The following SESN1 variants were observed in gnomAD, a reference collection of about 807,000 sequenced individuals.
SESN1 encodes sestrin 1, also known as sestrin-1.
Under a neutral mutation model 59.3 loss-of-function variants are expected in SESN1, and 30 were observed. That is an observed-to-expected ratio of 0.51 (90% CI 0.38 to 0.69). SESN1 has a LOEUF of 0.69. Ranked by LOEUF, SESN1 falls within the 30% of genes least tolerant of loss-of-function variation. SESN1 has a pLI of 0.00. For synonymous variants in SESN1, 197 were observed against 219.9 expected (o/e 0.90, Z 0.92); for missense variants, 566 against 673.0 (o/e 0.84, Z 1.76).
At chr6:109,008,714 A>G in intron 1 of SESN1, 1 of 927,412 alleles carries the variant, frequency 1.1e-6, no homozygotes, top group Non-Finnish European at 1.3e-6. Flanking sequence ...ATTTGCAACC[A>G]CTTAGAAAAA....
At chr6:109,003,154 ATAAT>A in intron 1 of SESN1, among the ~76,000 whole-genome samples, 1 of 152,120 alleles carries the variant, frequency 6.6e-6, no homozygotes. Context: ...CAAAACTAAA[ATAAT>A]ATATTTCAAC....
At chr6:109,076,291 T>C (rs1182875951) in intron 1 of SESN1, among the ~76,000 whole-genome samples, 1 of 152,228 alleles carries the variant, frequency 6.6e-6, no homozygotes, top group Admixed American at 6.5e-5. Flanking sequence ...TCAGTCCTAG[T>C]TTATGCTGTA....
intron 4 of SESN1, among the ~76,000 whole-genome samples, chr6:108,999,404 TA>T (rs1381823184): frequency 6.6e-6 from 1 of 152,188 alleles, no homozygotes; most frequent in Non-Finnish European, 1.5e-5. Context: ...TAATAGTATC[TA>T]TTCTATGAAA....
At chr6:109,038,853 A>C (rs1462047555) in intron 1 of SESN1, among the ~76,000 whole-genome samples, 3 of 151,970 alleles carry the variant, frequency 2.0e-5, no homozygotes, top group African/African-American at 7.3e-5. Context: ...GAAAAAGAAG[A>C]GCAAGAGGAG....
In SESN1 at chr6:108,994,606, T is replaced by G. The variant is rs112563275; in HGVS notation, c.976A>C (p.Ser326Arg). 18 of 1,608,372 alleles carry G rather than the reference T, an allele frequency of 1.1e-5. No homozygotes were observed. The African/African-American group carries it at 1.6e-4, about 14-fold the overall frequency. Residue 326 changes from serine to arginine, a missense_variant, in exon 6 of 10, where the codon AGT (serine) becomes CGT (arginine). By Grantham distance (110) the Ser-to-Arg change is moderately radical. Coordinates refer to ENST00000436639, the MANE Select transcript of SESN1 (RefSeq NM_014454.3). The stretch of plus-strand genomic sequence containing the variant: ...GCTTCAACCTCAAAGAAAGAATCAC[T>G]TACCTGAAGAAAAAATACAATTAAT... Reference protein sequence around the residue: ...PVNSAENVSVSDSFFEVEALM... With the variant: ...PVNSAENVSVRDSFFEVEALM...
rs1467217774 is a variant in SESN1 at position 108,998,599 on chromosome 6, A to G, written c.886T>C (p.Ser296Pro). 1.2e-6 allele frequency: 2 copies of G among 1,613,934 alleles called. No homozygotes were observed. Among genetic ancestry groups the G allele is most frequent in the Non-Finnish European group, 1.7e-6 (2 of 1,179,826 alleles). The stretch of plus-strand genomic sequence containing the variant: ...TCACAGATGCAGTAGTTGCTAACAG[A>G]AGGAGGTCTGAATGTGTGGCCACCA... Reference protein sequence around the residue: ...CDGGHTFRPPSVSNYCICDIT... With the variant: ...CDGGHTFRPPPVSNYCICDIT... The change falls in exon 5 of 10, where the codon TCT becomes CCT. Residue 296 changes from serine to proline, a missense_variant. Physicochemically the swap from Ser to Pro is moderately conservative, Grantham distance 74. Transcript: ENST00000436639.
chr6:109,086,276 C>T (rs570829461), intron 1 of SESN1, among the ~76,000 whole-genome samples: 59 of 152,160 alleles, frequency 3.9e-4, no homozygotes, highest in East Asian at 1.4e-3. Flanking sequence ...TGCTTGAACC[C>T]GGGAGGTGGA....
At chr6:109,066,825 T>C (rs952279470) in intron 1 of SESN1, among the ~76,000 whole-genome samples, 28 of 152,298 alleles carry the variant, frequency 1.8e-4, no homozygotes, top group African/African-American at 6.5e-4. Flanking sequence ...AGAGACTATG[T>C]AGAGAAAAAT....
intron 1 of SESN1, chr6:109,009,628 G>A (rs1262220210): frequency 5.3e-6 from 5 of 939,154 alleles, no homozygotes; most frequent in Non-Finnish European, 6.5e-6. Flanking sequence ...CGCCCTGGCG[G>A]CCACGCAAGC....
chr6:109,000,519 G>T lies in SESN1; in HGVS notation c.701C>A (p.Pro234His). ...GELNKVLAHR[P>H]WLITKEHIEG... ...AATGTGTTCTTTGGTAATAAGCCAA[G>T]GTCTATGGGCTAACACTTTGTTAAG... Residue 234 changes from proline (P) to histidine (H), a missense_variant, in exon 4 of 10, where the codon CCT becomes CAT. Physicochemically the swap from Pro to His is moderately conservative, Grantham distance 77. Transcript: ENST00000436639. 6.2e-7 allele frequency: 1 copy of T among 1,600,462 alleles called. No individual in the cohort carries two copies. Among genetic ancestry groups the T allele is most frequent in the South Asian group, 1.1e-5 (1 of 87,984 alleles).
At chr6:109,014,715 C>T (rs1464130259) in intron 1 of SESN1, among the ~76,000 whole-genome samples, 1 of 152,088 alleles carries the variant, frequency 6.6e-6, no homozygotes, top group Non-Finnish European at 1.5e-5. Context: ...ATTTCTGTCA[C>T]TCCTCTCAGT....
intron 1 of SESN1, among the ~76,000 whole-genome samples, chr6:109,031,339 G>A (rs1232760352): frequency 6.6e-6 from 1 of 152,162 alleles, no homozygotes; most frequent in Non-Finnish European, 1.5e-5. Context: ...CTGTGCATGA[G>A]AAGCTCAAGG....
At position 109,093,927 on chromosome 6, in the gene SESN1, T is replaced by C; in HGVS notation, c.147A>G (p.Pro49=). The stretch of plus-strand genomic sequence containing the variant: ...ACTCGGTATTTGAAAGCCCGTCTGA[T>C]GGACGATGAGGTGTTTCTTTCACCG... ...LRSVKETPHR[P]SDGLSNTESS... Residue 49 remains proline, a synonymous_variant, in exon 1 of 10, where the codon CCA becomes CCG. Coordinates refer to ENST00000436639, the MANE Select transcript of SESN1 (RefSeq NM_014454.3). 1 of 1,614,220 alleles carries C rather than the reference T, an allele frequency of 6.2e-7. No individual in the cohort carries two copies. Among genetic ancestry groups the C allele is most frequent in the Non-Finnish European group, 8.5e-7 (1 of 1,180,036 alleles).
intron 1 of SESN1, among the ~76,000 whole-genome samples, chr6:109,046,225 C>T (rs1033157829): frequency 2.2e-4 from 33 of 148,320 alleles, no homozygotes; most frequent in Non-Finnish European, 5.0e-4. Context: ...TGCCGAGTGC[C>T]TGCGATTGCA....
chr6:109,015,062 G>C (rs548677841), intron 1 of SESN1, among the ~76,000 whole-genome samples: 1 of 152,102 alleles, frequency 6.6e-6, no homozygotes, highest in Non-Finnish European at 1.5e-5. Context: ...CTGAAGAGAT[G>C]TTTCCATTAA....
At chr6:109,026,839 C>G (rs1354982733) in intron 1 of SESN1, among the ~76,000 whole-genome samples, 4 of 152,004 alleles carry the variant, frequency 2.6e-5, no homozygotes, top group Admixed American at 1.3e-4. Flanking sequence ...AACTGTTTTC[C>G]AAAGTAGTTG....
At chr6:109,056,309 C>T (rs1583289587) in intron 1 of SESN1, among the ~76,000 whole-genome samples, 1 of 152,076 alleles carries the variant, frequency 6.6e-6, no homozygotes, top group Admixed American at 6.5e-5. Flanking sequence ...GAGGCTGAGA[C>T]AGGAGGATAA....
chr6:108,994,696 ATCTT>A, intron 5 of SESN1, 87 bp from the exon 6 acceptor site: 1 of 628,522 alleles, frequency 1.6e-6, no homozygotes, highest in East Asian at 5.1e-5. Context: ...AAGAATTTAT[ATCTT>A]TTTTTTTTTT....
intron 1 of SESN1, among the ~76,000 whole-genome samples, chr6:109,042,011 T>C (rs1034413416): frequency 4.6e-5 from 7 of 152,124 alleles, no homozygotes; most frequent in Admixed American, 6.5e-5. Context: ...TCTCTGATCA[T>C]AACGAAATCA....
Sources: allele counts gnomAD v4.1 joint callset (sites outside exome capture counted in the v4.1 genomes callset), GRCh38; gene constraint gnomAD v4.1.1; transcripts MANE v1.5; gene names NCBI Gene and HGNC (gene_info 2026-07-23, HGNC 2026-07-21).